The following CLEC12A variants were observed in gnomAD, a reference collection of about 807,000 sequenced individuals.
CLEC12A encodes C-type lectin protein CLL-1.
In CLEC12A, 22 loss-of-function variants were observed where a neutral mutation model predicts 26.5. The ratio of observed to expected loss-of-function variants is 0.83; its 90% CI spans 0.59 to 1.19. CLEC12A has a LOEUF of 1.19. CLEC12A is among the 50% of genes most tolerant of loss of function. The probability of loss-of-function intolerance (pLI) is 0.00; values close to 1 mark genes in which losing one functional copy is unlikely to be tolerated. For synonymous variants in CLEC12A, 119 were observed against 101.9 expected, an observed-to-expected ratio of 1.17 and a Z score of -1.01; for missense variants, 353 against 315.6, an observed-to-expected ratio of 1.12 and a Z score of -0.90.
exon 5 of CLEC12A, chr12:9,995,330 G>T: frequency 8.7e-7 from 1 of 1,152,506 alleles, no homozygotes; most frequent in Non-Finnish European, 1.3e-6. Context: ...ATAAGACGTT[G>T]GACAAAAAAT....
upstream of CLEC12A, among the ~76,000 whole-genome samples, chr12:9,971,180 G>T (rs1362405579): frequency 1.3e-5 from 2 of 152,074 alleles, no homozygotes; most frequent in African/African-American, 4.8e-5. Flanking sequence ...TTATTTTTCT[G>T]CTTGAAAGTT....
chr12:10,002,709 T>G, the CLEC12A span, among the ~76,000 whole-genome samples: 1 of 152,146 alleles, frequency 6.6e-6, no homozygotes, highest in African/African-American at 2.4e-5. Flanking sequence ...CCCCAAGTGC[T>G]AGGATTACAG....
chr12:9,971,115 C>G (rs1351299869), upstream of CLEC12A, among the ~76,000 whole-genome samples: 1 of 152,074 alleles, frequency 6.6e-6, no homozygotes, highest in African/African-American at 2.4e-5. Flanking sequence ...AAAGGAATAT[C>G]TATGCCAGGC....
chr12:9,993,954 C>T (rs929465227), intron 4 of CLEC12A, among the ~76,000 whole-genome samples: 3 of 152,010 alleles, frequency 2.0e-5, no homozygotes, highest in African/African-American at 7.2e-5. Flanking sequence ...TAATGTCTTT[C>T]TTGTTGGGGA....
At chr12:9,971,712 T>G (rs185524074) in intron 1 of CLEC12A, 25 bp downstream of exon 1, 2 of 1,597,552 alleles carry the variant, frequency 1.3e-6, no homozygotes, top group East Asian at 4.5e-5. Flanking sequence ...TATGGATGTG[T>G]TGTAAGTTTG....
intron 3 of CLEC12A, 73 bp from the exon 4 acceptor site, chr12:9,980,509 A>G: frequency 7.2e-7 from 1 of 1,389,014 alleles, no homozygotes; most frequent in Non-Finnish European, 9.9e-7. Context: ...AATGTCACAC[A>G]GAGAGGAAAG....
upstream of CLEC12A, among the ~76,000 whole-genome samples, chr12:9,971,078 T>C (rs526157): frequency 0.56 from 84,515 of 151,806 alleles, 23,839 homozygotes; most frequent in South Asian, 0.72. Context: ...AAGAGAACCC[T>C]TCTATCAGGA....
the CLEC12A span, among the ~76,000 whole-genome samples, chr12:10,006,035 G>T: frequency 6.6e-6 from 1 of 152,180 alleles, no homozygotes; most frequent in Non-Finnish European, 1.5e-5. Context: ...TTTCTTTTAA[G>T]ATCTTCTAAA....
At chr12:9,965,388 T>C (rs1591815232) in intron 1 of CLEC12A, among the ~76,000 whole-genome samples, 2 of 151,842 alleles carry the variant, frequency 1.3e-5, no homozygotes, top group African/African-American at 4.8e-5. Flanking sequence ...AGGTAAGAGA[T>C]GAGGAAGAAA....
At chr12:9,958,076 C>A (rs1210969695) in intron 1 of CLEC12A, among the ~76,000 whole-genome samples, 1 of 152,140 alleles carries the variant, frequency 6.6e-6, no homozygotes, top group Non-Finnish European at 1.5e-5. Context: ...GGAAGGTAGT[C>A]AATGTGGGGA....
chr12:9,977,000 A>T (rs1447875), intron 1 of CLEC12A, among the ~76,000 whole-genome samples: 14 of 152,102 alleles, frequency 9.2e-5, no homozygotes. Flanking sequence ...TGAAACTGTG[A>T]ATCCATTAAA....
intron 4 of CLEC12A, among the ~76,000 whole-genome samples, chr12:9,981,653 T>C (rs1354063641): frequency 6.6e-6 from 1 of 152,166 alleles, no homozygotes; most frequent in Non-Finnish European, 1.5e-5. Context: ...TTTTTCCTAC[T>C]CTTTCTGTTT....
At chr12:9,984,170 T>C (rs1864676427) in intron 5 of CLEC12A, 1 of 156,028 alleles carries the variant, frequency 6.4e-6, no homozygotes, top group African/African-American at 2.4e-5. Context: ...GGGGTTTGTT[T>C]CTGAAAGGGG....
chr12:9,964,023 G>C (rs1279477938), intron 1 of CLEC12A, among the ~76,000 whole-genome samples: 1 of 152,184 alleles, frequency 6.6e-6, no homozygotes, highest in Non-Finnish European at 1.5e-5. Flanking sequence ...CAAAGTGAAA[G>C]GTTACCCAGG....
At chr12:9,982,272 T>C (rs188720325) in intron 5 of CLEC12A, 143 bp downstream of exon 5, 541 of 578,066 alleles carry the variant, frequency 9.4e-4, no homozygotes, top group Middle Eastern at 3.0e-3. Context: ...TTCTTTGATG[T>C]ATTTTCTAAT....
At chr12:9,978,610 A>G (rs142565658) in intron 1 of CLEC12A, among the ~76,000 whole-genome samples, 2,246 of 152,136 alleles carry the variant, frequency 0.015, 38 homozygotes, top group Admixed American at 0.033. Context: ...ATTTCCAGCT[A>G]CTCACTTTTC....
downstream of CLEC12A, among the ~76,000 whole-genome samples, chr12:9,988,601 A>G (rs1473639521): frequency 6.6e-6 from 1 of 152,242 alleles, no homozygotes; most frequent in Admixed American, 6.5e-5. Flanking sequence ...CAGCCAAAAG[A>G]CACATGTAAA....
chr12:9,978,903 G>A, intron 1 of CLEC12A, 63 bp from the exon 2 acceptor site: 1 of 1,149,360 alleles, frequency 8.7e-7, no homozygotes, highest in Non-Finnish European at 1.3e-6. Context: ...GAATGAATGA[G>A]TAAATAATCC....
At chr12:9,965,859 G>C (rs1863931482) in intron 1 of CLEC12A, among the ~76,000 whole-genome samples, 1 of 152,144 alleles carries the variant, frequency 6.6e-6, no homozygotes. Flanking sequence ...TAATGGGATG[G>C]TAAGGGGTGC....
Sources: allele counts gnomAD v4.1 joint callset (sites outside exome capture counted in the v4.1 genomes callset), GRCh38; gene constraint gnomAD v4.1.1; transcripts MANE v1.5; gene names NCBI Gene and HGNC (gene_info 2026-07-23, HGNC 2026-07-21).